DST: variants seen among roughly 807,000 people sequenced by gnomAD.
DST encodes the protein bullous pemphigoid antigen.
In DST, 253 loss-of-function variants were observed where a neutral mutation model predicts 875.2. The observed-to-expected ratio is 0.29, with a 90% CI of 0.26 to 0.32. The LOEUF (loss-of-function observed/expected upper bound fraction) is 0.32. Among genes scored for constraint, DST ranks in the 10% least tolerant of loss-of-function variants. DST has a pLI of 1.00. For missense variants in DST, 8,287 were observed against 9,111.6 expected (o/e 0.91, Z 3.68); for synonymous variants, 3,124 against 3,197.1 (o/e 0.98, Z 0.77).
intron 63 of DST, among the ~76,000 whole-genome samples, chr6:56,532,942 T>C (rs969240720): frequency 3.3e-5 from 5 of 152,198 alleles, no homozygotes; most frequent in Non-Finnish European, 7.4e-5. Flanking sequence ...TTCAAAACCC[T>C]TTCCCACGTT....
chr6:56,798,853 T>C (rs2099743503), intron 4 of DST, among the ~76,000 whole-genome samples: 1 of 152,144 alleles, frequency 6.6e-6, no homozygotes, highest in Admixed American at 6.5e-5. Flanking sequence ...AAGAAGGTGA[T>C]TCCAAACCCT....
rs1488359460 is a variant in DST, at chr6:56,608,218, A to G, written c.6410T>C (p.Ile2137Thr). The change falls in exon 40 of 104, where the codon ATT becomes ACT. Residue 2137 changes from isoleucine to threonine, a missense_variant. Physicochemically the swap from Ile to Thr is moderately conservative, Grantham distance 89 (BLOSUM62 -1). This residue lies in a region of DST where 3,138 missense variants were observed against 3,116.6 expected (regional missense o/e 1.01). Transcript: ENST00000680361. ...ATCAGGCAGTGTTATATTTTTTAAA[A>G]TTGATGCTGTGTTGTTGTCTATAAT... is the stretch of plus-strand genomic sequence containing the variant. Reference protein sequence around the residue: ...LGIIDNNTASILKNITLPDKM... With the variant: ...LGIIDNNTASTLKNITLPDKM... 6.2e-7 allele frequency: 1 copy of G among 1,613,656 alleles called. No individual in the cohort carries two copies. The highest frequency in any genetic ancestry group is 1.1e-5 in the South Asian group (1 of 91,076).
At chr6:56,909,569 G>C (rs1797946085) in intron 2 of DST, among the ~76,000 whole-genome samples, 2 of 152,206 alleles carry the variant, frequency 1.3e-5, no homozygotes. Context: ...TTGAGCCAAT[G>C]AGTATATATT....
intron 50 of DST, 132 bp downstream of exon 50, chr6:56,578,682 G>T: frequency 1.1e-6 from 1 of 906,310 alleles, no homozygotes; most frequent in Non-Finnish European, 1.6e-6. Flanking sequence ...CCAGATGCAG[G>T]AACACCATTT....
chr6:56,820,139 C>T (rs2099771363), intron 4 of DST, among the ~76,000 whole-genome samples: 2 of 152,178 alleles, frequency 1.3e-5, no homozygotes, highest in African/African-American at 4.8e-5. Flanking sequence ...CGTTTTCAAA[C>T]CGTAACTTCA....
intron 77 of DST, among the ~76,000 whole-genome samples, chr6:56,505,145 T>G (rs554456127): frequency 6.6e-6 from 1 of 152,228 alleles, no homozygotes; most frequent in African/African-American, 2.4e-5. Context: ...TCTTGAAAAT[T>G]AGCATCCAGA....
intron 3 of DST, among the ~76,000 whole-genome samples, chr6:56,873,310 T>G (rs185677073): frequency 5.3e-5 from 8 of 152,332 alleles, no homozygotes; most frequent in Admixed American, 5.2e-4. Context: ...CTTCTCTTTG[T>G]TGATTGTTTC....
At chr6:56,655,457 C>A (rs903204380) in intron 10 of DST, among the ~76,000 whole-genome samples, 2 of 152,002 alleles carry the variant, frequency 1.3e-5, no homozygotes, top group Non-Finnish European at 2.9e-5. Flanking sequence ...GGCCACAGTC[C>A]AAATCGGGAT....
intron 4 of DST, among the ~76,000 whole-genome samples, chr6:56,845,249 A>G (rs1345040336): frequency 1.3e-5 from 2 of 152,090 alleles, no homozygotes; most frequent in East Asian, 3.8e-4. Context: ...TTTCACATAT[A>G]CTGACCTTTT....
intron 3 of DST, among the ~76,000 whole-genome samples, chr6:56,873,255 G>C (rs1397139745): frequency 6.6e-6 from 1 of 152,164 alleles, no homozygotes; most frequent in Non-Finnish European, 1.5e-5. Flanking sequence ...TCACTTGTCA[G>C]ATGAATAGCT....
chr6:56,689,772 T>G (rs1352722747), intron 9 of DST, among the ~76,000 whole-genome samples: 1 of 152,176 alleles, frequency 6.6e-6, no homozygotes, highest in African/African-American at 2.4e-5. Flanking sequence ...CTCTTACATG[T>G]ATATGGCCAG....
At chr6:56,618,751 T>A (rs755462635) in intron 36 of DST, 1 of 1,614,066 alleles carries the variant, frequency 6.2e-7, no homozygotes. Context: ...TGGACTCCAT[T>A]AATTTTTCCA....
At chr6:56,615,635 T>C (rs1186019911) in intron 36 of DST, 1 of 1,614,152 alleles carries the variant, frequency 6.2e-7, no homozygotes, top group Admixed American at 1.7e-5. Context: ...ATATGTCAAC[T>C]TTCTTTTTGT....
In DST at chr6:56,527,511, T is replaced by G. The variant is rs1396559015; in HGVS notation, c.17904A>C (p.Gln5968His). The G allele has an allele frequency of 6.2e-7, 1 of 1,613,392 alleles. No homozygotes were observed. The highest frequency in any genetic ancestry group is 1.3e-5 in the African/African-American group (1 of 74,930). ...TQVLKGEEAS[Q>H]AQMRPKELKK... is the part of the protein sequence containing the mutation. ...AGCTTACCTTTGGTCTCATTTGTGC[T>G]TGACTTGCTTCTTCTCCTTTCAGAA... Residue 5968 changes from glutamine (Q) to histidine (H), a missense_variant, in exon 68 of 104, where the codon CAA (glutamine) becomes CAC (histidine). Around this residue, in one of 10 missense-constraint regions of DST, gnomAD observed 777 missense variants for 764.8 expected, o/e 1.02. Transcript: ENST00000680361.
chr6:56,753,689 T>C (rs1589673346), intron 4 of DST, among the ~76,000 whole-genome samples: 1 of 152,150 alleles, frequency 6.6e-6, no homozygotes, highest in East Asian at 1.9e-4. Context: ...AATCTCTATC[T>C]ACTTTAGTAA....
intron 43 of DST, among the ~76,000 whole-genome samples, chr6:56,602,551 ATAT>A (rs1281432353): frequency 1.3e-5 from 2 of 152,094 alleles, no homozygotes; most frequent in South Asian, 2.1e-4. Context: ...TGTACTACAA[ATAT>A]TATTATGTAT....
At chr6:56,879,783 G>C (rs1781225405) in intron 3 of DST, among the ~76,000 whole-genome samples, 1 of 152,190 alleles carries the variant, frequency 6.6e-6, no homozygotes, top group Non-Finnish European at 1.5e-5. Context: ...GAGCCACAGA[G>C]AAATTAAGTA....
chr6:56,945,607 G>T (rs1215432142), intron 2 of DST: 1 of 152,144 alleles, frequency 6.6e-6, no homozygotes, highest in Non-Finnish European at 1.5e-5. Flanking sequence ...GTCTAAATTT[G>T]ATAGGCAGAT....
At chr6:56,947,533 C>A (rs549077492) in intron 2 of DST, among the ~76,000 whole-genome samples, 1 of 152,216 alleles carries the variant, frequency 6.6e-6, no homozygotes, top group Non-Finnish European at 1.5e-5. Flanking sequence ...CAGGCGTGAG[C>A]CACCACGCCC....
Sources: gnomAD v4.1 joint callset for allele counts (sites outside exome capture counted in the v4.1 genomes callset) on GRCh38, gnomAD v4.1.1 for gene constraint, gnomAD v4.1.1 regional missense constraint, MANE v1.5 for transcripts, NCBI Gene and HGNC (gene_info 2026-07-23, HGNC 2026-07-21) for gene names.